SLC20A2: variants seen among roughly 807,000 people sequenced by gnomAD.
SLC20A2 encodes sodium-dependent phosphate transporter 2.
A neutral mutation model predicts 61.0 loss-of-function variants in SLC20A2; 30 were observed. That is an observed-to-expected ratio of 0.49 (90% confidence interval 0.37 to 0.67). The LOEUF (loss-of-function observed/expected upper bound fraction) is 0.67, where lower values mean the gene tolerates loss of function less well. Among genes scored for constraint, SLC20A2 ranks in the 30% least tolerant of loss-of-function variants. SLC20A2 has a pLI of 0.00. For synonymous variants in SLC20A2, 351 were observed against 353.3 expected (o/e 0.99, Z 0.07); for missense variants, 626 against 866.4 (o/e 0.72, Z 3.48).
chr8:42,533,487 A>T (rs1812473207), intron 1 of SLC20A2, among the ~76,000 whole-genome samples: 1 of 151,834 alleles, frequency 6.6e-6, no homozygotes, highest in South Asian at 2.1e-4. Flanking sequence ...TTAGTGGCGC[A>T]TGCCTGTGAT....
At chr8:42,440,532 T>C (rs1804694188) in intron 6 of SLC20A2, among the ~76,000 whole-genome samples, 1 of 152,192 alleles carries the variant, frequency 6.6e-6, no homozygotes, top group Non-Finnish European at 1.5e-5. Flanking sequence ...ATTTATTCTG[T>C]GGATAATGTG....
chr8:42,476,082 GTCTTT>G (rs1230539943), intron 1 of SLC20A2, among the ~76,000 whole-genome samples: 2 of 112,902 alleles, frequency 1.8e-5, no homozygotes, highest in African/African-American at 6.6e-5. Context: ...GGTTTACTGT[GTCTTT>G]TTTTTTTTTT....
At chr8:42,516,540 G>A (rs772208162) in intron 1 of SLC20A2, among the ~76,000 whole-genome samples, 2 of 152,166 alleles carry the variant, frequency 1.3e-5, no homozygotes, top group Non-Finnish European at 2.9e-5. Flanking sequence ...ACAAGATTCT[G>A]TCTTAGACCA....
At chr8:42,450,193 A>T (rs556749713) in intron 5 of SLC20A2, among the ~76,000 whole-genome samples, 35 of 150,958 alleles carry the variant, frequency 2.3e-4, no homozygotes, top group African/African-American at 5.3e-4. Flanking sequence ...ATATATATAT[A>T]TTTTTTGCAC....
chr8:42,521,263 G>C lies in SLC20A2; in HGVS notation c.-265+20558C>G, dbSNP rs1028088721. ...CTGCATCATGGAATACTACTCAGCA[G>C]TAAAAAGTAACAAACTGCTGATACT... On this transcript the variant is annotated intron_variant, in intron 1 of 10. Transcript: ENST00000342228. Among the ~76,000 whole-genome samples the C allele has an allele frequency of 4.2e-4, 51 of 121,654 alleles. 7 individuals carry two copies. The highest frequency in any genetic ancestry group is 1.2e-3 in the African/African-American group (47 of 39,606). The allele number at this position is 121,654 out of a possible 152,430, so 79.8% of individuals were successfully genotyped here.
intron 5 of SLC20A2, among the ~76,000 whole-genome samples, chr8:42,456,593 G>A (rs772358043): frequency 3.3e-5 from 5 of 151,926 alleles, no homozygotes; most frequent in East Asian, 1.9e-4. Flanking sequence ...TTAGCCAGGC[G>A]TGGTGGCAGG....
intron 1 of SLC20A2, among the ~76,000 whole-genome samples, chr8:42,493,933 G>A (rs1484290040): frequency 6.6e-6 from 1 of 152,122 alleles, no homozygotes; most frequent in African/African-American, 2.4e-5. Context: ...CTTTAGTTCA[G>A]GAGTTCAAGA....
chr8:42,515,811 G>A (rs909290248), intron 1 of SLC20A2, among the ~76,000 whole-genome samples: 2 of 152,182 alleles, frequency 1.3e-5, no homozygotes, highest in Admixed American at 6.5e-5. Context: ...CAATATTTAT[G>A]TATTTCCACA....
At chr8:42,526,748 T>C (rs544794120) in intron 1 of SLC20A2, among the ~76,000 whole-genome samples, 1 of 151,612 alleles carries the variant, frequency 6.6e-6, no homozygotes, top group South Asian at 2.1e-4. Context: ...ATAATAATAA[T>C]AATGTATTGA....
intron 5 of SLC20A2, among the ~76,000 whole-genome samples, chr8:42,453,031 G>T (rs969984041): frequency 3.3e-5 from 5 of 152,168 alleles, no homozygotes; most frequent in Non-Finnish European, 7.3e-5. Context: ...CATTCTGTGG[G>T]TCCAGGGCTG....
At chr8:42,523,547 A>C (rs1005289060) in intron 1 of SLC20A2, among the ~76,000 whole-genome samples, 3 of 152,154 alleles carry the variant, frequency 2.0e-5, no homozygotes, top group African/African-American at 7.2e-5. Context: ...AATATTTAAA[A>C]CATCAAGAGT....
intron 1 of SLC20A2, among the ~76,000 whole-genome samples, chr8:42,510,383 T>C (rs1810962603): frequency 1.3e-5 from 2 of 152,210 alleles, no homozygotes; most frequent in Admixed American, 1.3e-4. Context: ...TTGGATAGAA[T>C]GTGAAATAAT....
chr8:42,501,177 T>C lies in SLC20A2; in HGVS notation c.-411A>G, dbSNP rs951946455. 6.6e-6 allele frequency: 1 copy of C among 152,170 alleles called. No homozygotes were observed. The highest frequency in any genetic ancestry group is 1.5e-5 in the Non-Finnish European group (1 of 68,040). The allele number at this position is 152,170 out of a possible 1,614,324, so 9.4% of individuals were successfully genotyped here. The stretch of plus-strand genomic sequence containing the variant: ...TGCTAACTTCTACTTTTACAACTCA[T>C]AGAACTAACCCCGGCTAAAATTAAC... On this transcript the variant is annotated 5_prime_UTR_variant, in exon 1 of 11. It removes an upstream start codon present in the reference 5' UTR. Transcript: ENST00000520262.
chr8:42,510,355 C>A (rs376423456), intron 1 of SLC20A2, among the ~76,000 whole-genome samples: 1 of 152,138 alleles, frequency 6.6e-6, no homozygotes, highest in Non-Finnish European at 1.5e-5. Flanking sequence ...CAAACAAAGG[C>A]TTATTGTCAA....
chr8:42,460,639 A>G (rs1806623844), intron 4 of SLC20A2, among the ~76,000 whole-genome samples: 1 of 152,262 alleles, frequency 6.6e-6, no homozygotes, highest in African/African-American at 2.4e-5. Context: ...TTCGACATTT[A>G]TTAACTACTT....
intron 5 of SLC20A2, among the ~76,000 whole-genome samples, chr8:42,457,241 A>T (rs1292838986): frequency 1.3e-5 from 2 of 151,948 alleles, no homozygotes; most frequent in East Asian, 3.9e-4. Flanking sequence ...CTTAAAAAAA[A>T]TTTATCCTGG....
intron 1 of SLC20A2, among the ~76,000 whole-genome samples, chr8:42,535,796 G>A (rs1373140729): frequency 6.6e-6 from 1 of 152,244 alleles, no homozygotes; most frequent in Non-Finnish European, 1.5e-5. Flanking sequence ...CGGGGCCTGT[G>A]GCAGCAGCTC....
At chr8:42,461,611 G>A (rs775440913) in intron 4 of SLC20A2, among the ~76,000 whole-genome samples, 7 of 151,792 alleles carry the variant, frequency 4.6e-5, no homozygotes, top group African/African-American at 7.3e-5. Flanking sequence ...CCACCATGCC[G>A]GGCTAACTTT....
intron 5 of SLC20A2, among the ~76,000 whole-genome samples, chr8:42,456,751 A>T (rs4395886): frequency 7.8e-6 from 1 of 127,754 alleles, no homozygotes; most frequent in South Asian, 2.5e-4. Flanking sequence ...AAAAAAAAAA[A>T]AAAACAAGGA....
Sources: allele counts gnomAD v4.1 joint callset (sites outside exome capture counted in the v4.1 genomes callset), GRCh38; gene constraint gnomAD v4.1.1; transcripts MANE v1.5; gene names NCBI Gene and HGNC (gene_info 2026-07-23, HGNC 2026-07-21).